Variants in OLA1 observed in about 807,000 individuals in gnomAD.
The protein encoded by OLA1 is Obg like ATPase 1.
A neutral mutation model predicts 48.4 loss-of-function variants in OLA1; 14 were observed. The observed-to-expected ratio is 0.29, with a 90% CI of 0.19 to 0.45. The LOEUF (loss-of-function observed/expected upper bound fraction) is 0.45. Among genes scored for constraint, OLA1 ranks in the 20% least tolerant of loss-of-function variants. OLA1 has a pLI of 1.00. For missense variants in OLA1, 325 were observed against 467.1 expected (o/e 0.70, Z 2.80); for synonymous variants, 127 against 150.4 (o/e 0.84, Z 1.14).
chr2:174,126,576 T>C (rs2105369933), intron 5 of OLA1, among the ~76,000 whole-genome samples: 1 of 152,318 alleles, frequency 6.6e-6, no homozygotes, highest in African/African-American at 2.4e-5. Flanking sequence ...GGTAACAGTA[T>C]AATGCTTAAG....
chr2:174,140,929 T>C (rs1231360449), intron 5 of OLA1, among the ~76,000 whole-genome samples: 2 of 151,382 alleles, frequency 1.3e-5, no homozygotes, highest in East Asian at 1.9e-4. Flanking sequence ...TTTTTAAAAA[T>C]ATTTTATTTA....
intron 7 of OLA1, among the ~76,000 whole-genome samples, chr2:174,096,919 A>G (rs1685268853): frequency 6.6e-6 from 1 of 152,216 alleles, no homozygotes; most frequent in African/African-American, 2.4e-5. Context: ...GCACTTTGGG[A>G]AGCCAAGGCG....
intron 7 of OLA1, among the ~76,000 whole-genome samples, chr2:174,110,647 A>G (rs1685628148): frequency 6.6e-6 from 1 of 151,898 alleles, no homozygotes. Flanking sequence ...GGGTCCCACT[A>G]TATTGCTCAG....
At chr2:174,132,182 C>G (rs1686197979) in intron 5 of OLA1, among the ~76,000 whole-genome samples, 1 of 152,000 alleles carries the variant, frequency 6.6e-6, no homozygotes, top group Admixed American at 6.5e-5. Context: ...CTATTGATGT[C>G]TACAGAATCT....
intron 4 of OLA1, among the ~76,000 whole-genome samples, chr2:174,200,003 A>T (rs7578140): frequency 0.27 from 40,080 of 149,560 alleles, 6,065 homozygotes; most frequent in Non-Finnish European, 0.35. Flanking sequence ...AAATTTATTT[A>T]AAAAAAAAAG....
intron 7 of OLA1, among the ~76,000 whole-genome samples, chr2:174,092,305 T>A (rs1460112642): frequency 6.6e-6 from 1 of 152,078 alleles, no homozygotes. Context: ...GCTCAATAAA[T>A]GTTGGATCAG....
intron 7 of OLA1, among the ~76,000 whole-genome samples, chr2:174,094,309 C>T (rs2105348175): frequency 6.6e-6 from 1 of 152,342 alleles, no homozygotes; most frequent in African/African-American, 2.4e-5. Flanking sequence ...AATGGAAAGA[C>T]ATCCATGTGA....
chr2:174,167,104 C>T (rs1687184391), intron 4 of OLA1, among the ~76,000 whole-genome samples: 1 of 151,678 alleles, frequency 6.6e-6, no homozygotes, highest in Non-Finnish European at 1.5e-5. Context: ...GTCAACACAA[C>T]ATTTAGCCTA....
At chr2:174,148,018 C>T (rs1049152868) in intron 4 of OLA1, among the ~76,000 whole-genome samples, 16 of 152,166 alleles carry the variant, frequency 1.1e-4, no homozygotes, top group Non-Finnish European at 2.1e-4. Context: ...CGGGGTTTTG[C>T]CATGTTGGCC....
chr2:174,102,008 G>C (rs1260042774), intron 7 of OLA1, among the ~76,000 whole-genome samples: 1 of 152,110 alleles, frequency 6.6e-6, no homozygotes, highest in Non-Finnish European at 1.5e-5. Flanking sequence ...CTTACATTTA[G>C]TACGATAAGA....
chr2:174,238,988 A>C (rs1420383408), intron 2 of OLA1, among the ~76,000 whole-genome samples: 1 of 152,190 alleles, frequency 6.6e-6, no homozygotes, highest in African/African-American at 2.4e-5. Flanking sequence ...CCAAAAGAAT[A>C]AATTAAGAAT....
chr2:174,104,610 C>A (rs1287691305), intron 7 of OLA1, among the ~76,000 whole-genome samples: 2 of 151,942 alleles, frequency 1.3e-5, no homozygotes, highest in African/African-American at 4.8e-5. Flanking sequence ...ACTTAAAATA[C>A]AATCTGTCCA....
At chr2:174,244,666 C>G (rs1689088377) in intron 2 of OLA1, among the ~76,000 whole-genome samples, 1 of 151,928 alleles carries the variant, frequency 6.6e-6, no homozygotes. Flanking sequence ...CTCTGTCACC[C>G]AGGCTGGGGT....
chr2:174,157,456 T>C (rs2105393641), intron 4 of OLA1, among the ~76,000 whole-genome samples: 1 of 152,320 alleles, frequency 6.6e-6, no homozygotes, highest in South Asian at 2.1e-4. Context: ...ATTTAAAAGT[T>C]ATACTAAGAG....
intron 5 of OLA1, among the ~76,000 whole-genome samples, chr2:174,130,332 T>C (rs1574497740): frequency 6.6e-6 from 1 of 152,190 alleles, no homozygotes; most frequent in African/African-American, 2.4e-5. Flanking sequence ...CTAGCAGTAA[T>C]GCTCTACATG....
intron 7 of OLA1, among the ~76,000 whole-genome samples, chr2:174,121,759 G>A (rs1685919596): frequency 6.6e-6 from 1 of 152,162 alleles, no homozygotes; most frequent in East Asian, 1.9e-4. Flanking sequence ...CGTCTCCTAA[G>A]CAGTCTGTCT....
rs182225096 is a variant in OLA1, at chr2:174,176,256, T to C, written c.374-34256A>G. Among the ~76,000 whole-genome samples the C allele has an allele frequency of 1.3e-3, 205 of 152,260 alleles. 2 individuals are homozygous for C. The highest frequency in any genetic ancestry group is 4.6e-3 in the African/African-American group (192 of 41,570). ...TACATACATTATCTTTGATAAGGTTTCATACTTGATTACTAAAGTTCAACA... is the reference window on the plus strand; with the variant it reads ...TACATACATTATCTTTGATAAGGTTCCATACTTGATTACTAAAGTTCAACA... On this transcript the variant is annotated intron_variant, in intron 4 of 10. Coordinates refer to ENST00000284719, the MANE Select transcript of OLA1 (RefSeq NM_013341.5).
intron 7 of OLA1, among the ~76,000 whole-genome samples, chr2:174,084,387 T>C (rs1684922875): frequency 6.6e-6 from 1 of 152,226 alleles, no homozygotes; most frequent in Non-Finnish European, 1.5e-5. Flanking sequence ...ACTTTCACTG[T>C]CATAGAAAAC....
At chr2:174,117,026 TA>T (rs1685800767) in intron 7 of OLA1, among the ~76,000 whole-genome samples, 1 of 152,160 alleles carries the variant, frequency 6.6e-6, no homozygotes, top group South Asian at 2.1e-4. Flanking sequence ...TAAAATCCTC[TA>T]AGCTGCAAAT....
Sources: gnomAD v4.1 joint callset for allele counts (sites outside exome capture counted in the v4.1 genomes callset) on GRCh38, gnomAD v4.1.1 for gene constraint, MANE v1.5 for transcripts, NCBI Gene and HGNC (gene_info 2026-07-23, HGNC 2026-07-21) for gene names.